The following ADAMTS10 variants were observed in gnomAD, a reference collection of about 807,000 sequenced individuals.
ADAMTS10 encodes A disintegrin and metalloproteinase with thrombospondin motifs 10.
In ADAMTS10, 48 loss-of-function variants were observed where a neutral mutation model predicts 135.9. The ratio of observed to expected loss-of-function variants is 0.35; its 90% CI spans 0.28 to 0.45. The LOEUF is 0.45. ADAMTS10 is among the 20% of genes least tolerant of loss of function. ADAMTS10 has a pLI of 1.00. For missense variants in ADAMTS10, 1,131 were observed against 1,565.2 expected (o/e 0.72, Z 4.68); for synonymous variants, 621 against 647.5 (o/e 0.96, Z 0.62).
intron 25 of ADAMTS10, among the ~76,000 whole-genome samples, chr19:8,583,320 C>A (rs548990978): frequency 2.8e-5 from 4 of 143,818 alleles, no homozygotes; most frequent in Non-Finnish European, 6.1e-5. Context: ...GCGGGCAGAT[C>A]ACCTGAGGTC....
rs782096481 is a variant in ADAMTS10 at position 8,585,059 on chromosome 19, G to C, written c.3043-5C>G. ...GACGCCGCACTGTGCAGAGCACTGCGAGGGGGCACCACTCAGTTGCTGCCC... is the reference window on the plus strand; with the variant it reads ...GACGCCGCACTGTGCAGAGCACTGCCAGGGGGCACCACTCAGTTGCTGCCC... On this transcript the variant is annotated splice_region_variant and splice_polypyrimidine_tract_variant and intron_variant, in intron 24 of 25. Coordinates refer to ENST00000597188, the MANE Select transcript of ADAMTS10 (RefSeq NM_030957.4). 1.3e-6 allele frequency: 2 copies of C among 1,516,736 alleles called. No homozygotes were observed. Among genetic ancestry groups the C allele is most frequent in the South Asian group, 2.4e-5 (2 of 82,836 alleles). The allele number at this position is 1,516,736 out of a possible 1,614,324, so 94.0% of individuals were successfully genotyped here.
At chr19:8,602,510 G>A (rs1185523079) in intron 5 of ADAMTS10, among the ~76,000 whole-genome samples, 1 of 152,000 alleles carries the variant, frequency 6.6e-6, no homozygotes, top group Non-Finnish European at 1.5e-5. Context: ...TAGTAAAGAC[G>A]GGGTTTCGCC....
At position 8,586,224 on chromosome 19, in the gene ADAMTS10, C is replaced by T; in HGVS notation, c.2558G>A (p.Arg853His). ...GGSQVQAVECRNQLDSSAVAP... is the reference protein window; with the variant it reads ...GGSQVQAVECHNQLDSSAVAP... ...GACCGCGGAGCTGTCCAGCTGGTTG[C>T]GGCACTCCACCGCCTGCACCTGGCT... Residue 853 changes from arginine to histidine, a missense_variant, in exon 22 of 26, where the codon CGC (arginine) becomes CAC (histidine). Arg to His is a conservative substitution (Grantham distance 29). This residue lies in a region of ADAMTS10 where 745 missense variants were observed against 1,056.3 expected (regional missense o/e 0.71). Transcript: ENST00000597188. 2 of 1,612,792 alleles carry T rather than the reference C, an allele frequency of 1.2e-6. No homozygotes were observed. The highest frequency in any genetic ancestry group is 1.1e-5 in the South Asian group (1 of 91,044).
intron 19 of ADAMTS10, 35 bp from the exon 20 acceptor site, chr19:8,586,756 T>G: frequency 6.2e-7 from 1 of 1,614,060 alleles, no homozygotes; most frequent in Non-Finnish European, 8.5e-7. Context: ...ATTCTAGTCA[T>G]GCTGAAACCG....
rs782459351 is a variant in ADAMTS10, at chr19:8,590,008, A to G, written c.1798-17T>C. On this transcript the variant is annotated splice_polypyrimidine_tract_variant and intron_variant, in intron 15 of 25. Coordinates refer to ENST00000597188, the MANE Select transcript of ADAMTS10 (RefSeq NM_030957.4). ...GGGACAGTCCTGGGGGCAGGAGAGG[A>G]GAGATGGAGGGAGGCCAGGCTTGGG... The G allele has an allele frequency of 6.9e-6, 11 of 1,597,320 alleles. No individual in the cohort carries two copies. The highest frequency in any genetic ancestry group is 9.4e-6 in the Non-Finnish European group (11 of 1,166,574).
Position 8,580,731 on chromosome 19 carries a change from T to TC in ADAMTS10, c.*161dup. ...TGGGGGGATAGCCAGCCCCTCTCCA[T>TC]CCCCCCAGCCAGGGCCCTGCAGGGG... On this transcript the variant is annotated 3_prime_UTR_variant, in exon 26 of 26. Coordinates refer to ENST00000597188, the MANE Select transcript of ADAMTS10 (RefSeq NM_030957.4). The TC allele has an allele frequency of 6.5e-6, 4 of 611,158 alleles. No individual in the cohort carries two copies. The highest frequency in any genetic ancestry group is 1.2e-5 in the Non-Finnish European group (4 of 346,038). 37.9% of individuals were successfully genotyped at this position (611,158 alleles called of 1,614,324 possible).
rs1308266899 is a variant in ADAMTS10, at chr19:8,597,246, G to A, written c.882C>T (p.Leu294=). 3.1e-6 allele frequency: 5 copies of A among 1,614,040 alleles called. No individual in the cohort carries two copies. In the Admixed American group the frequency reaches 5.0e-5, roughly 16 times the overall value. Residue 294 remains leucine, a synonymous_variant, in exon 7 of 26, where the codon CTC becomes CTT. Coordinates refer to ENST00000597188, the MANE Select transcript of ADAMTS10 (RefSeq NM_030957.4). Reference sequence around the variant, plus strand: ...AAGTCCCCCGCACCTGGTCCTCCGTGAGCAGGATGAGGCGAGTTACGAGGA... The same window carrying A: ...AAGTCCCCCGCACCTGGTCCTCCGTAAGCAGGATGAGGCGAGTTACGAGGA... The part of the protein sequence containing the change: ...VNILVTRLIL[L]TEDQPTLEIT...
chr19:8,585,991 C>T, intron 22 of ADAMTS10, 131 bp downstream of exon 22: 1 of 1,471,068 alleles, frequency 6.8e-7, no homozygotes, highest in Non-Finnish European at 9.3e-7. Flanking sequence ...AGAACCATCA[C>T]TGCAGCACTC....
At position 8,596,411 on chromosome 19, in the gene ADAMTS10, G is replaced by A; in HGVS notation, c.1086C>T (p.Gly362=). The stretch of plus-strand genomic sequence containing the variant: ...CACACATTCCGCCCACCGGGGCCAG[G>A]CCTGGGAAGACGGACATGTGGGGAT... ...IYKNKPCGTL[G]LAPVGGMCER... The change falls in exon 10 of 26, where the codon GGC becomes GGT. Residue 362 remains glycine (G), a splice_region_variant and synonymous_variant. Coordinates refer to ENST00000597188, the MANE Select transcript of ADAMTS10 (RefSeq NM_030957.4). The surrounding 1 kb of genome is among the most constrained non-coding windows in gnomAD (Gnocchi z 7.2). 6.2e-7 allele frequency: 1 copy of A among 1,613,632 alleles called. No individual in the cohort carries two copies.
chr19:8,596,328 A>G lies in ADAMTS10; in HGVS notation c.1169T>C (p.Ile390Thr). 1.2e-6 allele frequency: 2 copies of G among 1,612,980 alleles called. No homozygotes were observed. The highest frequency in any genetic ancestry group is 2.2e-5 in the East Asian group (1 of 44,876). The part of the protein sequence containing the change: ...EDIGLATAFT[I>T]AHEIGHTFGM... The stretch of plus-strand genomic sequence containing the variant: ...TCACGTGTGCCCGATCTCGTGGGCA[A>G]TGGTGAACGCTGTGGCCAGGCCAAT... The change falls in exon 10 of 26, where the codon ATT (isoleucine) becomes ACT (threonine). Residue 390 changes from isoleucine (I) to threonine (T), a missense_variant. By Grantham distance (89) the Ile-to-Thr change is moderately conservative (BLOSUM62 -1). Around this residue, in one of 3 missense-constraint regions of ADAMTS10, gnomAD observed 745 missense variants for 1,056.3 expected, o/e 0.71. Coordinates refer to ENST00000597188, the MANE Select transcript of ADAMTS10 (RefSeq NM_030957.4). This position sits in a 1 kb window ranked among gnomAD's most constrained non-coding sequence, Gnocchi z 7.2.
At chr19:8,589,398 C>G in intron 17 of ADAMTS10, 33 bp from the exon 18 acceptor site, 1 of 1,607,246 alleles carries the variant, frequency 6.2e-7, no homozygotes, top group Non-Finnish European at 8.5e-7. Flanking sequence ...AGGCGACCCC[C>G]TAACCCACCC....
rs377333794 is a variant in ADAMTS10, at chr19:8,596,365, C to T, written c.1132G>A (p.Val378Ile). ...GTGGCCAGGCCAATGTCCTCATTGA[C>T]GCTGCAGCTTCTCTCGCGCTCACAC... ...GMCERERSCSVNEDIGLATAF... is the reference protein window; with the variant it reads ...GMCERERSCSINEDIGLATAF... The change falls in exon 10 of 26, where the codon GTC becomes ATC. Residue 378 changes from valine (V) to isoleucine (I), a missense_variant. This residue lies in a region of ADAMTS10 where 745 missense variants were observed against 1,056.3 expected (regional missense o/e 0.71). Transcript: ENST00000597188. The surrounding 1 kb of genome is among the most constrained non-coding windows in gnomAD (Gnocchi z 7.2). The T allele has an allele frequency of 4.5e-5, 73 of 1,613,078 alleles. No homozygotes were observed. Among genetic ancestry groups the T allele is most frequent in the East Asian group, 6.7e-5 (3 of 44,878 alleles).
In ADAMTS10 at chr19:8,605,818, G is replaced by T; in HGVS notation, c.-99-9C>A. ...GCAGCATCACCGGGCTCCTGGGAGG[G>T]GGGAGCCAGGTAAGGGGGCGCCTGG... On this transcript the variant is annotated splice_polypyrimidine_tract_variant and intron_variant, in intron 2 of 25. Coordinates refer to ENST00000597188, the MANE Select transcript of ADAMTS10 (RefSeq NM_030957.4). This position sits in a 1 kb window ranked among gnomAD's most constrained non-coding sequence, Gnocchi z 7.7. The T allele has an allele frequency of 1.3e-6, 2 of 1,509,824 alleles. No individual in the cohort carries two copies. Among genetic ancestry groups the T allele is most frequent in the Non-Finnish European group, 1.8e-6 (2 of 1,131,682 alleles). The allele number at this position is 1,509,824 out of a possible 1,614,324, so 93.5% of individuals were successfully genotyped here.
At chr19:8,600,570 C>T (rs1555741264) in intron 6 of ADAMTS10, among the ~76,000 whole-genome samples, 2 of 148,286 alleles carry the variant, frequency 1.3e-5, no homozygotes, top group African/African-American at 2.5e-5. Flanking sequence ...GTGATCTTGG[C>T]TCACTGCAAG....
intron 25 of ADAMTS10, among the ~76,000 whole-genome samples, chr19:8,582,093 T>C (rs2042360731): frequency 6.6e-6 from 1 of 152,032 alleles, no homozygotes; most frequent in Non-Finnish European, 1.5e-5. Context: ...AATATTCCCT[T>C]TCCTTTCCAT....
At chr19:8,609,656 C>G (rs1011464531) in intron 1 of ADAMTS10, among the ~76,000 whole-genome samples, 18 of 152,232 alleles carry the variant, frequency 1.2e-4, no homozygotes, top group Non-Finnish European at 2.2e-4. Flanking sequence ...GCTGGTCCCC[C>G]ACAACCGGCC....
rs57086020 is a variant in ADAMTS10, at chr19:8,588,853, G to A, written c.2158+389C>T. 5.2e-3 allele frequency among the ~76,000 whole-genome samples: 793 copies of A among 152,008 alleles called. 7 individuals are homozygous for A. Among genetic ancestry groups the A allele is most frequent in the African/African-American group, 0.018 (763 of 41,458 alleles). ...GTCGCCCAGACTGGAGTGCAGTGGT[G>A]TGATCTCGGCTCACTGCAACCTCCA... On this transcript the variant is annotated intron_variant, in intron 18 of 25. Transcript: ENST00000597188.
intron 13 of ADAMTS10, 106 bp from the exon 14 acceptor site, chr19:8,592,209 G>A (rs547052466): frequency 1.4e-4 from 203 of 1,447,742 alleles, no homozygotes; most frequent in Non-Finnish European, 1.7e-4. Context: ...CAGCCTCTCC[G>A]GGATGGGCAG....
intron 16 of ADAMTS10, 130 bp downstream of exon 16, chr19:8,589,759 A>G (rs557186217): frequency 7.2e-7 from 1 of 1,395,548 alleles, no homozygotes; most frequent in East Asian, 2.4e-5. Flanking sequence ...ACCGTATCCC[A>G]GGTACTCTGT....
Sources: gnomAD v4.1 joint callset for allele counts (sites outside exome capture counted in the v4.1 genomes callset) on GRCh38, gnomAD v4.1.1 for gene constraint, gnomAD v4.1.1 regional missense constraint, Gnocchi (gnomAD v3.1) non-coding constraint, MANE v1.5 for transcripts, NCBI Gene and HGNC (gene_info 2026-07-23, HGNC 2026-07-21) for gene names.